ME3: variants seen among roughly 807,000 people sequenced by gnomAD.
The protein encoded by ME3 is NADP-dependent malic enzyme, mitochondrial.
Under a neutral mutation model 68.9 loss-of-function variants are expected in ME3, and 48 were observed. The ratio of observed to expected loss-of-function variants is 0.70; its 90% confidence interval spans 0.55 to 0.89. The LOEUF (loss-of-function observed/expected upper bound fraction) is 0.89. Among genes scored for constraint, ME3 ranks in the 40% least tolerant of loss-of-function variants. The pLI is 0.00. For synonymous variants in ME3, 320 were observed against 318.8 expected, an observed-to-expected ratio of 1.00 and a Z score of -0.04; for missense variants, 675 against 797.4, an observed-to-expected ratio of 0.85 and a Z score of 1.85.
intron 2 of ME3, among the ~76,000 whole-genome samples, chr11:86,578,929 A>T (rs947492610): frequency 3.9e-5 from 6 of 152,188 alleles, no homozygotes; most frequent in Non-Finnish European, 5.9e-5. Context: ...CAGATAGGAA[A>T]GTTGAGGCTG....
intron 2 of ME3, among the ~76,000 whole-genome samples, chr11:86,601,874 G>A (rs1594621824): frequency 2.0e-5 from 3 of 148,538 alleles, no homozygotes; most frequent in African/African-American, 7.4e-5. Context: ...CTCAATAGAT[G>A]CAGAAAAGGC....
chr11:86,460,379 G>A (rs1238468702), intron 8 of ME3, among the ~76,000 whole-genome samples: 1 of 152,212 alleles, frequency 6.6e-6, no homozygotes, highest in African/African-American at 2.4e-5. Flanking sequence ...GGTACAGTGG[G>A]ACTGGTTGGG....
At chr11:86,442,405 G>C (rs1297177828) in intron 14 of ME3, among the ~76,000 whole-genome samples, 1 of 152,198 alleles carries the variant, frequency 6.6e-6, no homozygotes, top group Admixed American at 6.5e-5. Flanking sequence ...AGGAAACTGA[G>C]GCTCAGGGAA....
At chr11:86,535,217 C>T (rs554913654) in intron 4 of ME3, among the ~76,000 whole-genome samples, 4 of 152,240 alleles carry the variant, frequency 2.6e-5, no homozygotes, top group Admixed American at 2.0e-4. Context: ...TTCTTACCTC[C>T]ACTCCCACCC....
At chr11:86,649,624 T>A (rs1041743289) in intron 2 of ME3, among the ~76,000 whole-genome samples, 1 of 152,212 alleles carries the variant, frequency 6.6e-6, no homozygotes, top group Non-Finnish European at 1.5e-5. Context: ...AGTCTCAGGA[T>A]ACAAAATCAA....
intron 2 of ME3, among the ~76,000 whole-genome samples, chr11:86,643,499 A>G (rs1434427263): frequency 1.3e-5 from 2 of 152,176 alleles, no homozygotes; most frequent in African/African-American, 4.8e-5. Flanking sequence ...ACACACCAAG[A>G]AAAAGTAATC....
At chr11:86,465,145 G>A (rs1168887658) in exon 8 of ME3, 16 of 1,613,788 alleles carry the variant, frequency 9.9e-6, no homozygotes, top group East Asian at 8.9e-5. Flanking sequence ...TTGAGCAGGC[G>A]GAAGGCATTG....
At chr11:86,460,137 A>C (rs949919173) in intron 8 of ME3, among the ~76,000 whole-genome samples, 1 of 152,182 alleles carries the variant, frequency 6.6e-6, no homozygotes, top group African/African-American at 2.4e-5. Context: ...TGAAACAACA[A>C]AAGTCACCTG....
chr11:86,667,537 A>G (rs1946657140), intron 2 of ME3, among the ~76,000 whole-genome samples: 1 of 152,352 alleles, frequency 6.6e-6, no homozygotes, highest in East Asian at 1.9e-4. Context: ...GAAATCATTT[A>G]AAGAACAAAT....
chr11:86,551,645 A>G (rs1956689223), intron 4 of ME3, among the ~76,000 whole-genome samples: 1 of 152,236 alleles, frequency 6.6e-6, no homozygotes, highest in Admixed American at 6.5e-5. Flanking sequence ...GGGCTCAACA[A>G]TAATGCACAC....
chr11:86,444,576 G>A (rs570407445), intron 13 of ME3, among the ~76,000 whole-genome samples: 6 of 152,206 alleles, frequency 3.9e-5, no homozygotes, highest in Non-Finnish European at 8.8e-5. Flanking sequence ...ATCATGGTAT[G>A]TGTGATCACA....
At chr11:86,671,182 G>T (rs1488568264) in intron 2 of ME3, among the ~76,000 whole-genome samples, 2 of 152,190 alleles carry the variant, frequency 1.3e-5, no homozygotes, top group East Asian at 3.8e-4. Context: ...AAAAGAAGAG[G>T]TTTAAACTAG....
chr11:86,550,021 G>A (rs764090404), intron 4 of ME3, among the ~76,000 whole-genome samples: 3 of 152,120 alleles, frequency 2.0e-5, no homozygotes, highest in Admixed American at 2.0e-4. Flanking sequence ...GAATTTCAGG[G>A]AACACTCAGG....
At chr11:86,474,608 G>T (rs1243745645) in intron 7 of ME3, among the ~76,000 whole-genome samples, 2 of 152,188 alleles carry the variant, frequency 1.3e-5, no homozygotes, top group Non-Finnish European at 2.9e-5. Flanking sequence ...GCCCATATTT[G>T]TCCTTAGATT....
At chr11:86,657,205 C>G (rs1945950290) in intron 2 of ME3, among the ~76,000 whole-genome samples, 1 of 152,130 alleles carries the variant, frequency 6.6e-6, no homozygotes, top group East Asian at 1.9e-4. Context: ...ATAGCAAAGA[C>G]TTGGAACCAA....
At chr11:86,488,382 C>G (rs1408921573) in intron 6 of ME3, among the ~76,000 whole-genome samples, 2 of 151,996 alleles carry the variant, frequency 1.3e-5, no homozygotes, top group Non-Finnish European at 2.9e-5. Context: ...TCTTTTCCTC[C>G]CCCTTCCTCT....
chr11:86,455,176 T>A (rs1475450945), intron 8 of ME3, among the ~76,000 whole-genome samples: 1 of 152,000 alleles, frequency 6.6e-6, no homozygotes, highest in African/African-American at 2.4e-5. Flanking sequence ...AAGTACACAG[T>A]GTGCACCCTC....
At chr11:86,586,935 C>T (rs1030292784) in intron 2 of ME3, among the ~76,000 whole-genome samples, 7 of 152,030 alleles carry the variant, frequency 4.6e-5, no homozygotes, top group African/African-American at 9.7e-5. Flanking sequence ...ATAAGGGAAA[C>T]GTGTTCCTGA....
At chr11:86,655,683 C>T (rs932627761) in intron 2 of ME3, among the ~76,000 whole-genome samples, 4 of 151,692 alleles carry the variant, frequency 2.6e-5, no homozygotes, top group Non-Finnish European at 5.9e-5. Context: ...AGGACATAGG[C>T]ATGGGCAAGG....
Sources: gnomAD v4.1 joint callset for allele counts (sites outside exome capture counted in the v4.1 genomes callset) on GRCh38, gnomAD v4.1.1 for gene constraint, MANE v1.5 for transcripts, NCBI Gene and HGNC (gene_info 2026-07-23, HGNC 2026-07-21) for gene names.